The following ZNF521 variants were observed in gnomAD, a reference collection of about 807,000 sequenced individuals.
ZNF521 encodes the protein LYST-interacting protein 3.
In ZNF521, 14 loss-of-function variants were observed where a neutral mutation model predicts 105.5. The ratio of observed to expected loss-of-function variants is 0.13; its 90% CI spans 0.09 to 0.21. The LOEUF (loss-of-function observed/expected upper bound fraction) is 0.21. Ranked by LOEUF, ZNF521 falls within the 10% of genes least tolerant of loss-of-function variation. The pLI is 1.00. For missense variants in ZNF521, 1,233 were observed against 1,629.7 expected, an observed-to-expected ratio of 0.76 and a Z score of 4.19; for synonymous variants, 635 against 606.0, an observed-to-expected ratio of 1.05 and a Z score of -0.70.
At chr18:25,127,099 G>T (rs1356399060) in intron 5 of ZNF521, among the ~76,000 whole-genome samples, 1 of 152,044 alleles carries the variant, frequency 6.6e-6, no homozygotes, top group Non-Finnish European at 1.5e-5. Flanking sequence ...GATTGGGCTG[G>T]GGGATGCAAT....
At chr18:25,170,413 C>A (rs562224277) in intron 5 of ZNF521, among the ~76,000 whole-genome samples, 21 of 152,204 alleles carry the variant, frequency 1.4e-4, no homozygotes, top group African/African-American at 4.6e-4. Context: ...CAGCCAAATA[C>A]AACATCTTTG....
At chr18:25,215,364 C>T (rs1476598804) in intron 4 of ZNF521, among the ~76,000 whole-genome samples, 4 of 152,180 alleles carry the variant, frequency 2.6e-5, no homozygotes, top group Admixed American at 2.0e-4. Context: ...TAGAAAACTA[C>T]ATCTACATCA....
chr18:25,212,538 A>AAAATAT (rs1555647923), intron 4 of ZNF521, among the ~76,000 whole-genome samples: 32 of 48,130 alleles, frequency 6.6e-4, no homozygotes, highest in African/African-American at 9.2e-4. Flanking sequence ...AAAAAAAAAA[A>AAAATAT]ATATATATAT....
chr18:25,098,528 G>GA (rs2033900504), intron 5 of ZNF521, among the ~76,000 whole-genome samples: 1 of 151,738 alleles, frequency 6.6e-6, no homozygotes, highest in Non-Finnish European at 1.5e-5. Flanking sequence ...CCCATCCCAA[G>GA]AAAAAAATTG....
chr18:25,078,022 G>C (rs963790720), intron 7 of ZNF521, among the ~76,000 whole-genome samples: 2 of 152,144 alleles, frequency 1.3e-5, no homozygotes, highest in African/African-American at 4.8e-5. Context: ...AGTACTCCGG[G>C]CTCCTCTGGA....
At chr18:25,116,365 G>T (rs893962749) in intron 5 of ZNF521, among the ~76,000 whole-genome samples, 7 of 152,170 alleles carry the variant, frequency 4.6e-5, no homozygotes, top group Non-Finnish European at 1.0e-4. Context: ...TTGGGGTTGA[G>T]TGAGACTCCA....
Position 25,180,839 on chromosome 18 carries a change from A to AAAC in ZNF521, c.3658+14318_3658+14320dup, listed in dbSNP as rs59270952. Among the ~76,000 whole-genome samples, 469 of 151,900 alleles carry AAAC rather than the reference A, an allele frequency of 3.1e-3. 6 individuals carry two copies. Among genetic ancestry groups the AAAC allele is most frequent in the South Asian group, 0.025 (122 of 4,794 alleles). ...AAAATAAAAGGTTCTGCCTCATTCA[A>AAAC]AACAACAACAACAACAACAACAACA... is the stretch of plus-strand genomic sequence containing the variant. On this transcript the variant is annotated intron_variant, in intron 5 of 7. Transcript: ENST00000361524.
intron 5 of ZNF521, among the ~76,000 whole-genome samples, chr18:25,158,185 G>A (rs1047055335): frequency 6.6e-6 from 1 of 152,110 alleles, no homozygotes; most frequent in African/African-American, 2.4e-5. Context: ...AGGGATAGGT[G>A]TATTATGTAC....
intron 5 of ZNF521, among the ~76,000 whole-genome samples, chr18:25,141,518 G>GA (rs34680991): frequency 1.3e-5 from 2 of 152,180 alleles, no homozygotes; most frequent in Admixed American, 6.5e-5. Flanking sequence ...TACATGTAAA[G>GA]AAAAGTCTTC....
intron 5 of ZNF521, among the ~76,000 whole-genome samples, chr18:25,095,605 A>G (rs1342212507): frequency 6.6e-6 from 1 of 152,128 alleles, no homozygotes; most frequent in Non-Finnish European, 1.5e-5. Flanking sequence ...GTACTTTGAA[A>G]TTGAAAGAGA....
chr18:25,349,398 A>G (rs986925284), intron 2 of ZNF521, among the ~76,000 whole-genome samples: 6 of 152,186 alleles, frequency 3.9e-5, no homozygotes, highest in Non-Finnish European at 8.8e-5. Context: ...ATGTGACGGA[A>G]ACCACCAGAC....
At chr18:25,314,048 GAAT>G (rs1912470320) in intron 3 of ZNF521, among the ~76,000 whole-genome samples, 1 of 151,752 alleles carries the variant, frequency 6.6e-6, no homozygotes, top group South Asian at 2.1e-4. Flanking sequence ...AACAAAGTAT[GAAT>G]AATGAATTAA....
intron 4 of ZNF521, chr18:25,200,941 A>C (rs1409070359): frequency 6.6e-6 from 1 of 151,776 alleles, no homozygotes; most frequent in Non-Finnish European, 1.5e-5. Context: ...TCTTTGTCAG[A>C]CTGTTCAAAA....
In ZNF521 at chr18:25,104,493, A is replaced by G. The variant is rs565629124; in HGVS notation, c.3659-12412T>C. Among the ~76,000 whole-genome samples the G allele has an allele frequency of 3.9e-5, 6 of 152,318 alleles. No individual in the cohort carries two copies. In the East Asian group the frequency reaches 1.2e-3, roughly 29 times the overall value. Reference sequence around the variant, plus strand: ...AAAGCAAGTCATATTTAGCTCACTTATTGGTTTCATTCTTGGTAAAGAAAT... The same window carrying G: ...AAAGCAAGTCATATTTAGCTCACTTGTTGGTTTCATTCTTGGTAAAGAAAT... On this transcript the variant is annotated intron_variant, in intron 5 of 7. Transcript: ENST00000361524.
At chr18:25,215,413 C>T (rs2036262511) in intron 4 of ZNF521, among the ~76,000 whole-genome samples, 1 of 152,136 alleles carries the variant, frequency 6.6e-6, no homozygotes, top group South Asian at 2.1e-4. Context: ...GAGATCCAGA[C>T]ATCCGGAATA....
chr18:25,223,402 G>A (rs924885500), intron 4 of ZNF521, among the ~76,000 whole-genome samples: 4 of 152,264 alleles, frequency 2.6e-5, no homozygotes, highest in East Asian at 1.9e-4. Context: ...GGGGGCCTCC[G>A]CCAGGGTGTG....
At chr18:25,143,743 T>C (rs1410250628) in intron 5 of ZNF521, among the ~76,000 whole-genome samples, 1 of 152,148 alleles carries the variant, frequency 6.6e-6, no homozygotes, top group Non-Finnish European at 1.5e-5. Context: ...AGACAGAAAG[T>C]TGCGATAACT....
At chr18:25,177,883 A>G (rs2035561221) in intron 5 of ZNF521, among the ~76,000 whole-genome samples, 1 of 152,194 alleles carries the variant, frequency 6.6e-6, no homozygotes, top group South Asian at 2.1e-4. Flanking sequence ...GGATTTTGGG[A>G]GGAAACCTGC....
intron 2 of ZNF521, among the ~76,000 whole-genome samples, chr18:25,335,229 C>T (rs1913803450): frequency 6.6e-6 from 1 of 152,114 alleles, no homozygotes; most frequent in South Asian, 2.1e-4. Context: ...ATGTGTATAG[C>T]CATGAAAGGT....
Sources: gnomAD v4.1 joint callset for allele counts (sites outside exome capture counted in the v4.1 genomes callset) on GRCh38, gnomAD v4.1.1 for gene constraint, MANE v1.5 for transcripts, NCBI Gene and HGNC (gene_info 2026-07-23, HGNC 2026-07-21) for gene names.